ADARB2: variants seen among roughly 807,000 people sequenced by gnomAD.
ADARB2 encodes the protein adenosine deaminase RNA specific B2 (inactive).
Under a neutral mutation model 62.2 loss-of-function variants are expected in ADARB2, and 25 were observed. That is an observed-to-expected ratio of 0.40 (90% CI 0.29 to 0.56). ADARB2 has a LOEUF of 0.56. ADARB2 is among the 20% of genes least tolerant of loss of function. ADARB2 has a pLI of 0.43. For synonymous variants in ADARB2, 572 were observed against 500.8 expected, an observed-to-expected ratio of 1.14 and a Z score of -1.90; for missense variants, 1,071 against 1,077.4, an observed-to-expected ratio of 0.99 and a Z score of 0.08.
intron 1 of ADARB2, among the ~76,000 whole-genome samples, chr10:1,460,383 T>C (rs1302889881): frequency 7.1e-4 from 61 of 85,808 alleles, no homozygotes; most frequent in Non-Finnish European, 9.9e-4. Context: ...AGTTTACCTG[T>C]GTAACAAACC....
rs192547084 is a variant in ADARB2 at position 1,710,003 on chromosome 10, A to C, written c.100+27048T>G. 1.4e-3 allele frequency among the ~76,000 whole-genome samples: 219 copies of C among 152,312 alleles called. 1 individual carries two copies. The highest frequency in any genetic ancestry group is 4.9e-3 in the African/African-American group (205 of 41,566). ...TCATTTTATGTGCAGCTCTCCTGAG[A>C]GCACAGTCCCCTCGCAGGGCTAATA... On this transcript the variant is annotated intron_variant, in intron 1 of 9. Transcript: ENST00000381312.
At chr10:1,233,935 G>GTTGT in intron 5 of ADARB2, 90 bp from the exon 6 acceptor site, 1 of 991,300 alleles carries the variant, frequency 1.0e-6, no homozygotes, top group African/African-American at 1.7e-5. Flanking sequence ...GTTTTGTAGA[G>GTTGT]TTGTTCCCCA....
At chr10:1,435,247 T>C (rs1830822162) in intron 1 of ADARB2, among the ~76,000 whole-genome samples, 2 of 152,100 alleles carry the variant, frequency 1.3e-5, no homozygotes, top group South Asian at 2.1e-4. Context: ...CAGACAGGTG[T>C]TGGTGAGACA....
chr10:1,434,635 C>T (rs1179608325), intron 1 of ADARB2, among the ~76,000 whole-genome samples: 2 of 152,054 alleles, frequency 1.3e-5, no homozygotes, highest in Non-Finnish European at 2.9e-5. Flanking sequence ...TCTGAAGAAA[C>T]CCCCCAAACC....
At chr10:1,316,977 C>G (rs541466434) in intron 3 of ADARB2, among the ~76,000 whole-genome samples, 1 of 152,342 alleles carries the variant, frequency 6.6e-6, no homozygotes, top group East Asian at 1.9e-4. Context: ...CCAGTTAAAG[C>G]CCCGGTCTAA....
intron 4 of ADARB2, among the ~76,000 whole-genome samples, chr10:1,268,884 C>T (rs559801549): frequency 2.6e-4 from 40 of 152,332 alleles, no homozygotes; most frequent in African/African-American, 9.4e-4. Context: ...TTAGAAGTAT[C>T]ATTTCCCCAC....
chr10:1,225,160 C>T (rs1175083223), intron 6 of ADARB2, among the ~76,000 whole-genome samples: 2 of 152,144 alleles, frequency 1.3e-5, no homozygotes, highest in Non-Finnish European at 2.9e-5. Context: ...GATCCCTTTA[C>T]CATTATGTAA....
chr10:1,242,425 A>C lies in ADARB2; in HGVS notation c.1193-126T>G, dbSNP rs950225849. 3 of 1,264,110 alleles carry C rather than the reference A, an allele frequency of 2.4e-6. No homozygotes were observed. The African/African-American group carries it at 4.5e-5, about 19-fold the overall frequency. The allele number at this position is 1,264,110 out of a possible 1,614,324, so 78.3% of individuals were successfully genotyped here. A position where few individuals can be genotyped will look rare whatever the true frequency, so the allele number is the denominator to read the frequency against. On this transcript the variant is annotated intron_variant, in intron 4 of 9. Transcript: ENST00000381312. ...GAAACCTTGGAAACACTGCGTTTTG[A>C]GAGCTGGGAAGCGAGGCTTCTGTGT...
At chr10:1,495,465 C>T (rs972626800) in intron 1 of ADARB2, among the ~76,000 whole-genome samples, 1 of 152,132 alleles carries the variant, frequency 6.6e-6, no homozygotes, top group African/African-American at 2.4e-5. Flanking sequence ...AAATCCAATA[C>T]AACACTACTA....
chr10:1,704,355 C>T lies in ADARB2; in HGVS notation c.100+32696G>A, dbSNP rs1834861146. ...GCTTGTTTTCCTGCAACTCGATGGC[C>T]CCACCTGGGGATGATGGGAGACAGT... On this transcript the variant is annotated intron_variant, in intron 1 of 9. Transcript: ENST00000381312. The surrounding 1 kb of genome is among the most constrained non-coding windows in gnomAD (Gnocchi z 5.6). Among the ~76,000 whole-genome samples, 1 of 152,080 alleles carries T rather than the reference C, an allele frequency of 6.6e-6. No homozygotes were observed. The highest frequency in any genetic ancestry group is 1.5e-5 in the Non-Finnish European group (1 of 68,020).
intron 1 of ADARB2, among the ~76,000 whole-genome samples, chr10:1,531,147 G>T (rs909518079): frequency 1.8e-4 from 27 of 152,210 alleles, no homozygotes; most frequent in African/African-American, 6.0e-4. Context: ...CCATAGGTTC[G>T]CTGAGTGCCT....
intron 1 of ADARB2, among the ~76,000 whole-genome samples, chr10:1,546,936 C>T (rs375266711): frequency 1.2e-4 from 19 of 152,362 alleles, no homozygotes; most frequent in African/African-American, 4.3e-4. Context: ...GAAGTGCGAA[C>T]ACACTCACTG....
intron 2 of ADARB2, among the ~76,000 whole-genome samples, chr10:1,374,845 T>C (rs1410264634): frequency 6.6e-6 from 1 of 152,220 alleles, no homozygotes; most frequent in East Asian, 1.9e-4. Context: ...TTGCTTCTGG[T>C]GAAGGTTATT....
rs544186024 is a variant in ADARB2 at position 1,656,964 on chromosome 10, CT to C, written c.100+80086del. Among the ~76,000 whole-genome samples, 105 of 151,192 alleles carry C rather than the reference CT, an allele frequency of 6.9e-4. 1 individual carries two copies. Among genetic ancestry groups the C allele is most frequent in the African/African-American group, 2.5e-3 (104 of 41,122 alleles). On this transcript the variant is annotated intron_variant, in intron 1 of 9. Coordinates refer to ENST00000381312, the MANE Select transcript of ADARB2 (RefSeq NM_018702.4). ...TACTTTAAGTTGAAAAATCAAGGAA[CT>C]CTCTCTTCCTAAAGCAGTGGTACCC... is the stretch of plus-strand genomic sequence containing the variant.
At chr10:1,733,704 G>A (rs1482573115) in intron 1 of ADARB2, among the ~76,000 whole-genome samples, 5 of 152,120 alleles carry the variant, frequency 3.3e-5, no homozygotes, top group Middle Eastern at 3.4e-3. Flanking sequence ...TACACATTGA[G>A]CTATTTTCTA....
intron 1 of ADARB2, among the ~76,000 whole-genome samples, chr10:1,560,874 G>C (rs1226460626): frequency 6.6e-6 from 1 of 152,186 alleles, no homozygotes; most frequent in Non-Finnish European, 1.5e-5. Flanking sequence ...TACACAGAGA[G>C]AAAATGTCCT....
At chr10:1,689,988 T>G (rs1022559753) in intron 1 of ADARB2, among the ~76,000 whole-genome samples, 1 of 152,004 alleles carries the variant, frequency 6.6e-6, no homozygotes, top group Non-Finnish European at 1.5e-5. Context: ...TTTTTTGTTT[T>G]TGTTTTTTGT....
intron 1 of ADARB2, among the ~76,000 whole-genome samples, chr10:1,536,375 A>G (rs1445353986): frequency 1.3e-5 from 2 of 152,204 alleles, no homozygotes; most frequent in African/African-American, 4.8e-5. Context: ...AGAAATAAAC[A>G]TTTATTGTTT....
intron 1 of ADARB2, among the ~76,000 whole-genome samples, chr10:1,478,004 G>C (rs1255744152): frequency 6.6e-6 from 1 of 152,108 alleles, no homozygotes; most frequent in Non-Finnish European, 1.5e-5. Flanking sequence ...CTGTGCTTGG[G>C]TTCTCTCCCT....
Sources: allele counts gnomAD v4.1 joint callset (sites outside exome capture counted in the v4.1 genomes callset), GRCh38; gene constraint gnomAD v4.1.1; non-coding constraint Gnocchi (gnomAD v3.1); transcripts MANE v1.5; gene names NCBI Gene and HGNC (gene_info 2026-07-23, HGNC 2026-07-21).